The following WDR44 variants were observed in gnomAD, a reference collection of about 807,000 sequenced individuals.
WDR44 encodes WD repeat domain 44, also known as WD repeat-containing protein 44.
A neutral mutation model predicts 65.7 loss-of-function variants in WDR44; 9 were observed. The ratio of observed to expected loss-of-function variants is 0.14; its 90% CI spans 0.08 to 0.24. The LOEUF (loss-of-function observed/expected upper bound fraction) is 0.24, where lower values mean the gene tolerates loss of function less well. Among genes scored for constraint, WDR44 ranks in the 10% least tolerant of loss-of-function variants. The pLI is 1.00. For synonymous variants in WDR44, 220 were observed against 235.2 expected, an observed-to-expected ratio of 0.94 and a Z score of 0.59; for missense variants, 425 against 670.9, an observed-to-expected ratio of 0.63 and a Z score of 4.05.
intron 12 of WDR44, among the ~76,000 whole-genome samples, chrX:118,415,888 T>C (rs1463260855): frequency 9.0e-6 from 1 of 111,617 alleles, no homozygotes; most frequent in Non-Finnish European, 1.9e-5. Context: ...AGGGTATCTA[T>C]TTCTTCCTAA....
intron 19 of WDR44, chrX:118,447,032 ATTTT>A: frequency 7.2e-6 from 2 of 276,150 alleles, no homozygotes; most frequent in South Asian, 3.3e-5. Context: ...TGCCTGGCTA[ATTTT>A]TTTTTTTTTT....
At chrX:118,417,198 C>T (rs990106776) in intron 12 of WDR44, among the ~76,000 whole-genome samples, 9 of 111,533 alleles carry the variant, frequency 8.1e-5, no homozygotes, top group Admixed American at 9.6e-5. Context: ...ATGTGAGATA[C>T]CTCATAGTGT....
intron 1 of WDR44, among the ~76,000 whole-genome samples, chrX:118,352,352 A>ATTTTTT (rs556374639): frequency 7.0e-5 from 1 of 14,224 alleles, no homozygotes; most frequent in African/African-American, 3.7e-4. Flanking sequence ...ATATATATAT[A>ATTTTTT]TTTTTTTTTT....
chrX:118,378,871 T>TA (rs541856981), intron 2 of WDR44, among the ~76,000 whole-genome samples: 12,409 of 92,774 alleles, frequency 0.13, 756 homozygotes, highest in Admixed American at 0.25. Context: ...CCGTCTCTAC[T>TA]AAAAAAAAAA....
chrX:118,378,099 G>C (rs1241664333), intron 1 of WDR44, among the ~76,000 whole-genome samples: 2 of 110,290 alleles, frequency 1.8e-5, no homozygotes, highest in Admixed American at 9.8e-5. Context: ...GGGATTATAG[G>C]CACGCACCAC....
At chrX:118,381,594 A>C (rs1476311510) in intron 2 of WDR44, among the ~76,000 whole-genome samples, 3 of 44,414 alleles carry the variant, frequency 6.8e-5, no homozygotes, top group Non-Finnish European at 1.1e-4. Context: ...TTTTTTTTTG[A>C]TGGAGTCTCA....
At chrX:118,357,934 G>A (rs1208274249) in intron 1 of WDR44, among the ~76,000 whole-genome samples, 1 of 111,017 alleles carries the variant, frequency 9.0e-6, no homozygotes, top group Non-Finnish European at 1.9e-5. Context: ...AGCACTTTGG[G>A]AGGCCGAGGC....
Position 118,352,346 on chromosome X carries a change from ATATATATTTTTTT to A in WDR44, c.77+5768_77+5780del, listed in dbSNP as rs1186720559. Reference sequence around the variant, plus strand: ...TATATATATATATATATATATATATATATATATTTTTTTTTTTTTTTTTTTTTGTAGAGATGGG... The same window carrying A: ...TATATATATATATATATATATATATATTTTTTTTTTTTTTGTAGAGATGGG... On this transcript the variant is annotated intron_variant, in intron 1 of 19. Transcript: ENST00000254029. Among the ~76,000 whole-genome samples, 77 of 22,735 alleles carry A rather than the reference ATATATATTTTTTT, an allele frequency of 3.4e-3. 1 individual carries two copies. In the South Asian group the frequency reaches 0.037, roughly 11 times the overall value. 19.7% of individuals were successfully genotyped at this position (22,735 alleles called of 115,157 possible). A position where few individuals can be genotyped will look rare whatever the true frequency, so the allele number is the denominator to read the frequency against.
chrX:118,391,288 T>G (rs1435447687), intron 3 of WDR44, among the ~76,000 whole-genome samples: 3 of 112,270 alleles, frequency 2.7e-5, no homozygotes, highest in Non-Finnish European at 5.6e-5. Flanking sequence ...CTGTTATCAT[T>G]GAGGTTCTCA....
At chrX:118,381,998 A>G (rs1455463904) in intron 2 of WDR44, among the ~76,000 whole-genome samples, 2 of 111,140 alleles carry the variant, frequency 1.8e-5, no homozygotes, top group African/African-American at 3.3e-5. Context: ...CCAAGTAGCT[A>G]GGACTACAGA....
chrX:118,389,780 A>G (rs370002689), intron 3 of WDR44, among the ~76,000 whole-genome samples: 16 of 109,100 alleles, frequency 1.5e-4, no homozygotes, highest in East Asian at 1.4e-3. Flanking sequence ...GGCATTACTG[A>G]AGGCATGGAG....
rs1482777531 is a variant in WDR44 at position 118,403,801 on chromosome X, C to T, written c.1275-537C>T. 2.7e-5 allele frequency among the ~76,000 whole-genome samples: 3 copies of T among 111,753 alleles called. No homozygotes were observed. The East Asian group carries it at 8.4e-4, about 31-fold the overall frequency. Reference sequence around the variant, plus strand: ...TAGTTTACCTCGTATTTGGGAATACCTACTAGGAAAACTCAGCCTAATTTT... The same window carrying T: ...TAGTTTACCTCGTATTTGGGAATACTTACTAGGAAAACTCAGCCTAATTTT... On this transcript the variant is annotated intron_variant, in intron 8 of 19. Transcript: ENST00000254029.
At position 118,410,902 on chromosome X, in the gene WDR44, G is replaced by A; in HGVS notation, c.1680G>A (p.Val560=). Residue 560 remains valine, a synonymous_variant, in exon 12 of 20, where the codon GTG becomes GTA. Coordinates refer to ENST00000254029, the MANE Select transcript of WDR44 (RefSeq NM_019045.5). ...MRMKYNTEGR[V]SPSPSQESLS... ...TTATTATGTTGTTTTTAGGACGTGTGTCCCCATCACCCTCTCAGGAAAGTC... is the reference window on the plus strand; with the variant it reads ...TTATTATGTTGTTTTTAGGACGTGTATCCCCATCACCCTCTCAGGAAAGTC... 1.7e-6 allele frequency: 2 copies of A among 1,201,730 alleles called. No individual in the cohort carries two copies. Among genetic ancestry groups the A allele is most frequent in the Non-Finnish European group, 2.2e-6 (2 of 891,685 alleles).
rs1473686789 is a variant in WDR44, at chrX:118,393,024, G to A, written c.579G>A (p.Val193=). 2 of 1,210,224 alleles carry A rather than the reference G, an allele frequency of 1.7e-6. No homozygotes were observed. Among genetic ancestry groups the A allele is most frequent in the Non-Finnish European group, 2.2e-6 (2 of 895,358 alleles). The part of the protein sequence containing the change: ...VKGGGDVLEP[V]SSDSLSTKDF... ...GAGGTGGTGATGTTTTAGAGCCTGT[G>A]TCCTCAGACTCCTTATCTACTAAAG... The change falls in exon 4 of 20, where the codon GTG becomes GTA. Residue 193 remains valine (V), a synonymous_variant. Coordinates refer to ENST00000254029, the MANE Select transcript of WDR44 (RefSeq NM_019045.5).
chrX:118,365,567 C>T (rs1474666853), intron 1 of WDR44, among the ~76,000 whole-genome samples: 3 of 111,729 alleles, frequency 2.7e-5, no homozygotes, highest in African/African-American at 3.3e-5. Flanking sequence ...AGTATATTAC[C>T]TGTCTCTCTC....
intron 14 of WDR44, among the ~76,000 whole-genome samples, chrX:118,438,142 A>G (rs1166322845): frequency 4.5e-5 from 5 of 111,669 alleles, no homozygotes; most frequent in African/African-American, 6.5e-5. Flanking sequence ...CTGGGAGTTC[A>G]AGACCAGCCT....
In WDR44 at chrX:118,407,125, T is replaced by C; in HGVS notation, c.1533+99T>C. On this transcript the variant is annotated intron_variant, in intron 10 of 19. Transcript: ENST00000254029. ...TCTCTTTCTATGTATGTAACTTTGC[T>C]AGCCTGACTCAAGAACGGGGAATTT... The C allele has an allele frequency of 4.4e-5, 37 of 843,806 alleles. No individual in the cohort carries two copies. In the South Asian group the frequency reaches 1.0e-3, roughly 24 times the overall value. 69.5% of individuals were successfully genotyped at this position (843,806 alleles called of 1,213,427 possible).
chrX:118,442,675 T>C lies in WDR44; in HGVS notation c.2379T>C (p.Ser793=). The change falls in exon 17 of 20, where the codon AGT becomes AGC. Residue 793 remains serine (S), a synonymous_variant. Coordinates refer to ENST00000254029, the MANE Select transcript of WDR44 (RefSeq NM_019045.5). ...ATAGCAGCAGCCAGATCAAAGCAAG[T>C]TTCAGGTAAATTGGCAATGAGATGT... ...YVNSSSQIKA[S]FSHDFTYLVS... 8.3e-7 allele frequency: 1 copy of C among 1,203,350 alleles called. No individual in the cohort carries two copies. The highest frequency in any genetic ancestry group is 1.1e-6 in the Non-Finnish European group (1 of 888,795).
At chrX:118,370,028 C>G (rs971325135) in intron 1 of WDR44, among the ~76,000 whole-genome samples, 1 of 111,980 alleles carries the variant, frequency 8.9e-6, no homozygotes, top group African/African-American at 3.2e-5. Flanking sequence ...TTGATAGACA[C>G]TGTCTTCAAT....
Sources: gnomAD v4.1 joint callset for allele counts (sites outside exome capture counted in the v4.1 genomes callset) on GRCh38, gnomAD v4.1.1 for gene constraint, MANE v1.5 for transcripts, NCBI Gene and HGNC (gene_info 2026-07-23, HGNC 2026-07-21) for gene names.